OSBPL8: variants seen among roughly 807,000 people sequenced by gnomAD.
The protein encoded by OSBPL8 is oxysterol binding protein like 8.
In OSBPL8, 59 loss-of-function variants were observed where a neutral mutation model predicts 125.5. That is an observed-to-expected ratio of 0.47 (90% CI 0.38 to 0.58). The LOEUF is 0.58. Ranked by LOEUF, OSBPL8 falls within the 20% of genes least tolerant of loss-of-function variation. The probability of loss-of-function intolerance (pLI) is 0.00; values close to 1 mark genes in which losing one functional copy is unlikely to be tolerated. For missense variants in OSBPL8, 758 were observed against 1,047.8 expected (o/e 0.72, Z 3.82); for synonymous variants, 330 against 338.9 (o/e 0.97, Z 0.29).
chr12:76,502,390 GAAGTT>G (rs932869472), intron 1 of OSBPL8, among the ~76,000 whole-genome samples: 26 of 152,264 alleles, frequency 1.7e-4, no homozygotes, highest in African/African-American at 6.3e-4. Context: ...CACTGAACTC[GAAGTT>G]AAGACTGCCA....
intron 1 of OSBPL8, among the ~76,000 whole-genome samples, chr12:76,547,711 T>G (rs1353236380): frequency 6.6e-6 from 1 of 152,062 alleles, no homozygotes; most frequent in Non-Finnish European, 1.5e-5. Flanking sequence ...TCCAAATAAT[T>G]AAAATGCCAC....
intron 6 of OSBPL8, 85 bp from the exon 7 acceptor site, chr12:76,400,059 G>A (rs1953984163): frequency 1.1e-6 from 1 of 947,178 alleles, no homozygotes; most frequent in Admixed American, 2.7e-5. Context: ...ATGCAGGTTT[G>A]TTATATAGGT....
At chr12:76,415,944 T>TC (rs1868603512) in intron 4 of OSBPL8, among the ~76,000 whole-genome samples, 1 of 152,110 alleles carries the variant, frequency 6.6e-6, no homozygotes, top group African/African-American at 2.4e-5. Context: ...TTTATTATAG[T>TC]CTTTTTTTCT....
At chr12:76,432,333 C>T (rs1438637164) in intron 4 of OSBPL8, among the ~76,000 whole-genome samples, 1 of 152,088 alleles carries the variant, frequency 6.6e-6, no homozygotes, top group East Asian at 1.9e-4. Context: ...TGACTATAAT[C>T]CCAGCACTTT....
At chr12:76,523,783 A>G (rs191409692) in intron 1 of OSBPL8, among the ~76,000 whole-genome samples, 2 of 152,294 alleles carry the variant, frequency 1.3e-5, no homozygotes, top group African/African-American at 4.8e-5. Context: ...TGTGTTGTTT[A>G]AGCCATCTAG....
In OSBPL8 at chr12:76,373,347, A is replaced by G; in HGVS notation, c.1914T>C (p.His638=). 3.1e-6 allele frequency: 5 copies of G among 1,591,662 alleles called. No homozygotes were observed. The highest frequency in any genetic ancestry group is 1.7e-4 in the Middle Eastern group (1 of 5,998). Residue 638 remains histidine (H), a synonymous_variant, in exon 18 of 24, where the codon CAT becomes CAC. Coordinates refer to ENST00000261183, the MANE Select transcript of OSBPL8 (RefSeq NM_020841.5). ...AGCTCATATACAAAATACTTACCCA[A>G]TGACCTTCCAAAGTAGCTAGGACTT... is the stretch of plus-strand genomic sequence containing the variant. The part of the protein sequence containing the change: ...GKEVLATLEG[H]WDSEVFITDK...
intron 3 of OSBPL8, among the ~76,000 whole-genome samples, chr12:76,454,627 G>C (rs776629457): frequency 6.6e-6 from 1 of 151,862 alleles, no homozygotes; most frequent in Non-Finnish European, 1.5e-5. Context: ...GCTGAGGTGG[G>C]AGCATCACTT....
At chr12:76,443,441 G>C (rs375854086) in intron 4 of OSBPL8, among the ~76,000 whole-genome samples, 1 of 152,062 alleles carries the variant, frequency 6.6e-6, no homozygotes, top group Non-Finnish European at 1.5e-5. Flanking sequence ...AGGCTCCTTT[G>C]GCATTGTCCT....
chr12:76,449,924 TG>T (rs1264598772), intron 4 of OSBPL8, among the ~76,000 whole-genome samples: 1 of 152,166 alleles, frequency 6.6e-6, no homozygotes, highest in Non-Finnish European at 1.5e-5. Flanking sequence ...AGTCAAGTTT[TG>T]GCATATTATC....
chr12:76,369,376 TC>T (rs1952536531), intron 20 of OSBPL8, 75 bp from the exon 21 acceptor site: 2 of 1,496,868 alleles, frequency 1.3e-6, no homozygotes, highest in East Asian at 4.9e-5. Context: ...TATTCTATGA[TC>T]CAATTTTATT....
At chr12:76,494,978 C>T (rs1173030206) in intron 1 of OSBPL8, among the ~76,000 whole-genome samples, 1 of 152,038 alleles carries the variant, frequency 6.6e-6, no homozygotes, top group African/African-American at 2.4e-5. Context: ...ACTTCTTAGG[C>T]TTATGAGTCT....
At chr12:76,410,713 T>C (rs34492199) in intron 4 of OSBPL8, 79 bp from the exon 5 acceptor site, 212,424 of 957,878 alleles carry the variant, frequency 0.22, 26,189 homozygotes, top group Non-Finnish European at 0.26. Context: ...GTATAGACTA[T>C]ATTTGATATA....
Position 76,373,332 on chromosome 12 carries a change from C to CA in OSBPL8, c.1917+11dup, listed in dbSNP as rs1246854400. On this transcript the variant is annotated intron_variant, in intron 18 of 23. Coordinates refer to ENST00000261183, the MANE Select transcript of OSBPL8 (RefSeq NM_020841.5). ...AAATTCTTTTTGTAAAGCTCATATA[C>CA]AAAATACTTACCCAATGACCTTCCA... 1 of 1,534,046 alleles carries CA rather than the reference C, an allele frequency of 6.5e-7. No homozygotes were observed. The highest frequency in any genetic ancestry group is 8.9e-7 in the Non-Finnish European group (1 of 1,124,960).
intron 4 of OSBPL8, among the ~76,000 whole-genome samples, chr12:76,446,262 G>A (rs1056702481): frequency 2.6e-5 from 4 of 152,074 alleles, no homozygotes; most frequent in Admixed American, 2.0e-4. Context: ...TACATCAGAG[G>A]TTTTCTGGAC....
At chr12:76,413,324 G>A (rs180867089) in intron 4 of OSBPL8, among the ~76,000 whole-genome samples, 51 of 152,152 alleles carry the variant, frequency 3.4e-4, no homozygotes, top group East Asian at 2.1e-3. Flanking sequence ...ATTTACTAGC[G>A]TGTCACAGCA....
intron 1 of OSBPL8, among the ~76,000 whole-genome samples, chr12:76,509,017 C>T (rs985690784): frequency 2.6e-5 from 4 of 152,190 alleles, no homozygotes; most frequent in African/African-American, 9.7e-5. Flanking sequence ...ATGAATTCAC[C>T]TCAAATTCTT....
chr12:76,434,412 A>G (rs1871207597), intron 4 of OSBPL8, among the ~76,000 whole-genome samples: 1 of 152,150 alleles, frequency 6.6e-6, no homozygotes, highest in Non-Finnish European at 1.5e-5. Flanking sequence ...CAGAAGGAAA[A>G]GGGAAAAAAA....
intron 10 of OSBPL8, among the ~76,000 whole-genome samples, chr12:76,391,805 A>G (rs1356421190): frequency 6.6e-6 from 1 of 152,156 alleles, no homozygotes; most frequent in Non-Finnish European, 1.5e-5. Flanking sequence ...AAAAAAAGAA[A>G]CAAGCAAAAT....
intron 1 of OSBPL8, among the ~76,000 whole-genome samples, chr12:76,550,920 A>G (rs1950917883): frequency 6.6e-6 from 1 of 152,188 alleles, no homozygotes; most frequent in Non-Finnish European, 1.5e-5. Flanking sequence ...TACAAAAAAA[A>G]TAAAGTAGCC....
Sources: gnomAD v4.1 joint callset for allele counts (sites outside exome capture counted in the v4.1 genomes callset) on GRCh38, gnomAD v4.1.1 for gene constraint, MANE v1.5 for transcripts, NCBI Gene and HGNC (gene_info 2026-07-23, HGNC 2026-07-21) for gene names.